SRBD1: variants seen among roughly 807,000 people sequenced by gnomAD.
SRBD1 encodes the protein S1 RNA-binding domain-containing protein 1.
SRBD1 carries 88 observed loss-of-function variants against 115.3 expected under a neutral mutation model. That is an observed-to-expected ratio of 0.76 (90% CI 0.64 to 0.91). SRBD1 has a LOEUF of 0.91. Among genes scored for constraint, SRBD1 ranks in the 40% least tolerant of loss-of-function variants. SRBD1 has a pLI of 0.00. For missense variants in SRBD1, 1,385 were observed against 1,177.4 expected (o/e 1.18, Z -2.58); for synonymous variants, 509 against 407.7 (o/e 1.25, Z -2.99).
chr2:45,588,479 T>C (rs1349266444), intron 4 of SRBD1, among the ~76,000 whole-genome samples: 3 of 152,212 alleles, frequency 2.0e-5, no homozygotes, highest in Admixed American at 6.5e-5. Flanking sequence ...ACCTGTACCT[T>C]TTCCTGTTTC....
At chr2:45,568,114 A>C (rs1205967011) in intron 9 of SRBD1, 1 of 152,244 alleles carries the variant, frequency 6.6e-6, no homozygotes, top group Non-Finnish European at 1.5e-5. Context: ...CACGTCAGTA[A>C]AAAGACACAC....
At chr2:45,479,549 C>G (rs1669900634) in intron 15 of SRBD1, among the ~76,000 whole-genome samples, 4 of 152,206 alleles carry the variant, frequency 2.6e-5, no homozygotes, top group South Asian at 2.1e-4. Context: ...GGTCCTAACT[C>G]TCTTCAATTC....
At chr2:45,501,657 C>T (rs552145770) in intron 14 of SRBD1, among the ~76,000 whole-genome samples, 5 of 152,296 alleles carry the variant, frequency 3.3e-5, no homozygotes, top group African/African-American at 1.2e-4. Context: ...ACGCCTGGCT[C>T]GGAGGGTCCC....
At chr2:45,440,997 A>G (rs1253770716) in intron 16 of SRBD1, among the ~76,000 whole-genome samples, 2 of 152,200 alleles carry the variant, frequency 1.3e-5, no homozygotes, top group Non-Finnish European at 2.9e-5. Context: ...CTCTTTCCTA[A>G]TGTTTCCAGT....
At chr2:45,536,100 C>G (rs1407635462) in intron 14 of SRBD1, among the ~76,000 whole-genome samples, 2 of 151,856 alleles carry the variant, frequency 1.3e-5, no homozygotes, top group African/African-American at 4.8e-5. Flanking sequence ...GGTTGCAAAG[C>G]CCCTGGAAGT....
intron 14 of SRBD1, among the ~76,000 whole-genome samples, chr2:45,537,829 A>G (rs1471882636): frequency 6.6e-6 from 1 of 152,222 alleles, no homozygotes; most frequent in Non-Finnish European, 1.5e-5. Context: ...CATGCCTTAG[A>G]AAAATGAAAA....
chr2:45,539,544 A>C (rs1269122554), intron 14 of SRBD1, among the ~76,000 whole-genome samples: 1 of 152,210 alleles, frequency 6.6e-6, no homozygotes, highest in African/African-American at 2.4e-5. Context: ...ATGAAAATGG[A>C]CTATCTCAAA....
In SRBD1 at chr2:45,426,452, T is replaced by A. The variant is rs140576273; in HGVS notation, c.2050-6558A>T. On this transcript the variant is annotated intron_variant, in intron 16 of 20. Coordinates refer to ENST00000263736, the MANE Select transcript of SRBD1 (RefSeq NM_018079.5). ...AGCAGACTTAAACGTTCTTGCCTGC[T>A]GGATCTGAAGAAAGCAGTGGATCTC... Among the ~76,000 whole-genome samples, 251 of 152,342 alleles carry A rather than the reference T, an allele frequency of 1.6e-3. 7 individuals carry two copies. In the East Asian group the frequency reaches 0.031, roughly 19 times the overall value.
At chr2:45,477,504 C>T (rs1043661143) in intron 15 of SRBD1, among the ~76,000 whole-genome samples, 3 of 152,140 alleles carry the variant, frequency 2.0e-5, no homozygotes, top group African/African-American at 7.2e-5. Context: ...CTTATTAGAA[C>T]TCGATCCCCC....
At chr2:45,390,908 C>A (rs538310898) in intron 20 of SRBD1, among the ~76,000 whole-genome samples, 10 of 152,260 alleles carry the variant, frequency 6.6e-5, no homozygotes, top group Admixed American at 6.5e-4. Context: ...TTACCTGATG[C>A]TAAAGCAGTG....
chr2:45,544,232 CAAAAAA>C (rs777800446), intron 14 of SRBD1, among the ~76,000 whole-genome samples: 82 of 72,284 alleles, frequency 1.1e-3, no homozygotes, highest in African/African-American at 4.1e-3. Flanking sequence ...GACTCCGGCT[CAAAAAA>C]AAAAAAAAAA....
chr2:45,551,700 A>C (rs1452137258), intron 11 of SRBD1, among the ~76,000 whole-genome samples: 1 of 152,224 alleles, frequency 6.6e-6, no homozygotes, highest in Non-Finnish European at 1.5e-5. Flanking sequence ...CTCATCATAG[A>C]AACAGCAAGT....
At chr2:45,556,817 A>G (rs1672493375) in intron 10 of SRBD1, among the ~76,000 whole-genome samples, 1 of 152,064 alleles carries the variant, frequency 6.6e-6, no homozygotes, top group Non-Finnish European at 1.5e-5. Flanking sequence ...CTATTTCTTC[A>G]TCAGTAAAAT....
intron 9 of SRBD1, among the ~76,000 whole-genome samples, chr2:45,564,963 T>C (rs977701886): frequency 1.3e-5 from 2 of 152,128 alleles, no homozygotes; most frequent in Admixed American, 6.6e-5. Context: ...CTACAAAACA[T>C]TGTTGAAAGA....
intron 9 of SRBD1, among the ~76,000 whole-genome samples, chr2:45,563,122 T>TA (rs1331562707): frequency 1.3e-5 from 2 of 152,164 alleles, no homozygotes; most frequent in Admixed American, 1.3e-4. Context: ...TACAAACATG[T>TA]AAAATCCTAG....
intron 16 of SRBD1, among the ~76,000 whole-genome samples, chr2:45,446,477 C>A (rs906564050): frequency 6.6e-6 from 1 of 152,112 alleles, no homozygotes; most frequent in Admixed American, 6.5e-5. Context: ...AGGATCCTCC[C>A]AAATCATTAA....
chr2:45,509,363 G>A (rs1670892455), intron 14 of SRBD1, among the ~76,000 whole-genome samples: 2 of 152,022 alleles, frequency 1.3e-5, no homozygotes, highest in Non-Finnish European at 1.5e-5. Context: ...TTGAGAGGCC[G>A]AGGCGGGCGG....
intron 3 of SRBD1, among the ~76,000 whole-genome samples, chr2:45,601,612 C>T (rs1674093932): frequency 6.6e-6 from 1 of 152,208 alleles, no homozygotes; most frequent in Admixed American, 6.5e-5. Context: ...AGATTAAGAT[C>T]ATTTAAATGA....
intron 16 of SRBD1, chr2:45,447,849 T>A (rs1668874577): frequency 6.6e-6 from 1 of 152,164 alleles, no homozygotes; most frequent in Admixed American, 6.5e-5. Flanking sequence ...TACCATTCCT[T>A]GGGGCAGAGA....
Sources: gnomAD v4.1 joint callset for allele counts (sites outside exome capture counted in the v4.1 genomes callset) on GRCh38, gnomAD v4.1.1 for gene constraint, MANE v1.5 for transcripts, NCBI Gene and HGNC (gene_info 2026-07-23, HGNC 2026-07-21) for gene names.